Variants in ZNF396 observed in about 807,000 individuals in gnomAD.
ZNF396 encodes zinc finger protein 396, also known as zinc finger and SCAN domain-containing protein 14.
A neutral mutation model predicts 20.5 loss-of-function variants in ZNF396; 14 were observed. The ratio of observed to expected loss-of-function variants is 0.68; its 90% CI spans 0.45 to 1.07. ZNF396 has a LOEUF of 1.07. ZNF396 is among the 50% of genes least tolerant of loss of function. The probability of loss-of-function intolerance (pLI) is 0.00; values close to 1 mark genes in which losing one functional copy is unlikely to be tolerated. For synonymous variants in ZNF396, 119 were observed against 140.6 expected (o/e 0.85, Z 1.08); for missense variants, 347 against 390.1 (o/e 0.89, Z 0.93).
chr18:35,368,982 A>T lies in ZNF396; in HGVS notation c.*233T>A. 7.7e-7 allele frequency: 1 copy of T among 1,303,928 alleles called. No individual in the cohort carries two copies. The highest frequency in any genetic ancestry group is 3.0e-5 in the East Asian group (1 of 33,830). The allele number at this position is 1,303,928 out of a possible 1,614,324, so 80.8% of individuals were successfully genotyped here. On this transcript the variant is annotated 3_prime_UTR_variant, in exon 4 of 4. Transcript: ENST00000589332. ...TTTCAAGGCCTGCATAGGGATGGAA[A>T]TCTGAATTAAGCTTTGGAATTGCAA...
chr18:35,375,834 C>T (rs1204862913), intron 1 of ZNF396, among the ~76,000 whole-genome samples: 1 of 152,122 alleles, frequency 6.6e-6, no homozygotes, highest in Admixed American at 6.5e-5. Flanking sequence ...CCTCTGCCTT[C>T]TGGGTTCAAG....
chr18:35,369,064 T>C lies in ZNF396; in HGVS notation c.*151A>G, dbSNP rs1226055785. On this transcript the variant is annotated 3_prime_UTR_variant, in exon 4 of 4. Transcript: ENST00000589332. ...AAAAGCAAATAATGCTGACCTGAGATCTTCAACCTTCTCTCCTGTGGCTTT... is the reference window on the plus strand; with the variant it reads ...AAAAGCAAATAATGCTGACCTGAGACCTTCAACCTTCTCTCCTGTGGCTTT... 7.1e-7 allele frequency: 1 copy of C among 1,401,856 alleles called. No individual in the cohort carries two copies. 86.8% of individuals were successfully genotyped at this position (1,401,856 alleles called of 1,614,324 possible).
At position 35,368,171 on chromosome 18, in the gene ZNF396, G is replaced by T; in HGVS notation, c.*1044C>A. On this transcript the variant is annotated 3_prime_UTR_variant, in exon 4 of 4. Coordinates refer to ENST00000589332, the MANE Select transcript of ZNF396 (RefSeq NM_001322286.2). ...ACAGAAGCACCCATAGATTAATATTGTTATGAAAACATTCCTTATGTTTAG... is the reference window on the plus strand; with the variant it reads ...ACAGAAGCACCCATAGATTAATATTTTTATGAAAACATTCCTTATGTTTAG... 1 of 333,074 alleles carries T rather than the reference G, an allele frequency of 3.0e-6. No individual in the cohort carries two copies. Among genetic ancestry groups the T allele is most frequent in the East Asian group, 4.6e-5 (1 of 21,736 alleles). 20.6% of individuals were successfully genotyped at this position (333,074 alleles called of 1,614,324 possible). A position where few individuals can be genotyped will look rare whatever the true frequency, so the allele number is the denominator to read the frequency against.
intron 3 of ZNF396, among the ~76,000 whole-genome samples, chr18:35,370,151 TAA>T (rs1281960595): frequency 1.3e-5 from 2 of 152,064 alleles, no homozygotes; most frequent in African/African-American, 2.4e-5. Context: ...TAAGAAAATA[TAA>T]GTTAGGCCAA....
In ZNF396 at chr18:35,369,432, G is replaced by C. The variant is rs905416291; in HGVS notation, c.791C>G (p.Ser264Ter). The C allele has an allele frequency of 6.2e-7, 1 of 1,614,168 alleles. No individual in the cohort carries two copies. Among genetic ancestry groups the C allele is most frequent in the Non-Finnish European group, 8.5e-7 (1 of 1,180,034 alleles). The change falls in exon 4 of 4, where the codon TCA becomes TGA. Residue 264 changes from serine to a stop codon, truncating the protein, a stop_gained. Transcript: ENST00000589332. LOFTEE classifies it low-confidence loss of function (END_TRUNC). ...DECGKIFSQSSALILHQRIHS... is the reference protein window; with the variant it reads ...DECGKIFSQS Reference sequence around the variant, plus strand: ...GATTCTCTGATGTAAAATAAGGGCTGAGCTCTGACTAAAGATTTTGCCACA... The same window carrying C: ...GATTCTCTGATGTAAAATAAGGGCTCAGCTCTGACTAAAGATTTTGCCACA...
Position 35,373,511 on chromosome 18 carries a change from G to A in ZNF396, c.507C>T (p.Pro169=), listed in dbSNP as rs141404505. 1.7e-5 allele frequency: 27 copies of A among 1,613,940 alleles called. No individual in the cohort carries two copies. Among genetic ancestry groups the A allele is most frequent in the Non-Finnish European group, 1.9e-5 (23 of 1,179,994 alleles). The part of the protein sequence containing the change: ...TEELPSSQLM[P]VKKQLQGASW... ...ATGCTCCCTGGAGCTGCTTCTTCACGGGCATGAGCTGGCTACTTGGCAATT... is the reference window on the plus strand; with the variant it reads ...ATGCTCCCTGGAGCTGCTTCTTCACAGGCATGAGCTGGCTACTTGGCAATT... The change falls in exon 3 of 4, where the codon CCC becomes CCT. Residue 169 remains proline, a synonymous_variant. Transcript: ENST00000589332.
At chr18:35,376,919 C>A (rs1438229959) in intron 1 of ZNF396, among the ~76,000 whole-genome samples, 1 of 152,058 alleles carries the variant, frequency 6.6e-6, no homozygotes, top group African/African-American at 2.4e-5. Context: ...TGTGGTGGGC[C>A]GGCTCTGGGA....
intron 1 of ZNF396, chr18:35,376,201 G>A (rs541637519): frequency 6.6e-6 from 1 of 152,168 alleles, no homozygotes; most frequent in Admixed American, 6.5e-5. Flanking sequence ...ATTGTTCTAG[G>A]CCCTGTATAA....
rs576894308 is a variant in ZNF396 at position 35,373,168 on chromosome 18, A to G, written c.562+288T>C. ...CTGTGTACCTTGGGGTCCCACAGAAAGGCCTCAAGGGCTGCCTGAAGATAA... is the reference window on the plus strand; with the variant it reads ...CTGTGTACCTTGGGGTCCCACAGAAGGGCCTCAAGGGCTGCCTGAAGATAA... On this transcript the variant is annotated intron_variant, in intron 3 of 3. Coordinates refer to ENST00000589332, the MANE Select transcript of ZNF396 (RefSeq NM_001322286.2). 706 of 393,604 alleles carry G rather than the reference A, an allele frequency of 1.8e-3. 3 individuals carry two copies. Among genetic ancestry groups the G allele is most frequent in the Non-Finnish European group, 2.6e-3 (587 of 222,788 alleles). The allele number at this position is 393,604 out of a possible 1,614,324, so 24.4% of individuals were successfully genotyped here.
chr18:35,376,329 T>C (rs2045257112), intron 1 of ZNF396: 1 of 152,210 alleles, frequency 6.6e-6, no homozygotes, highest in Non-Finnish European at 1.5e-5. Flanking sequence ...TGCCAAGCAC[T>C]GTTTTGAACA....
rs2045105263 is a variant in ZNF396 at position 35,366,858 on chromosome 18, G to GAC, written c.*2355_*2356dup. The GAC allele has an allele frequency of 6.6e-6, 1 of 152,082 alleles. No homozygotes were observed. The allele number at this position is 152,082 out of a possible 1,614,324, so 9.4% of individuals were successfully genotyped here. ...TGCAAAATAATTCAAAGTACACAGA[G>GAC]ACACCCTTTAAAGATTCATCATATA... On this transcript the variant is annotated 3_prime_UTR_variant, in exon 4 of 4. Transcript: ENST00000589332.
At position 35,373,571 on chromosome 18, in the gene ZNF396, A is replaced by G; in HGVS notation, c.447T>C (p.Ile149=). ...QIFFGRRKDM[I]AEKLAPSEIT... ...TTTCTGAAGGTGCTAGCTTCTCTGCAATCATGTCCTTCCTTCGTCCAAAAA... is the reference window on the plus strand; with the variant it reads ...TTTCTGAAGGTGCTAGCTTCTCTGCGATCATGTCCTTCCTTCGTCCAAAAA... The change falls in exon 3 of 4, where the codon ATT becomes ATC. Residue 149 remains isoleucine, a synonymous_variant. Transcript: ENST00000589332. 1 of 1,614,176 alleles carries G rather than the reference A, an allele frequency of 6.2e-7. No homozygotes were observed. Among genetic ancestry groups the G allele is most frequent in the African/African-American group, 1.3e-5 (1 of 75,050 alleles).
intron 1 of ZNF396, among the ~76,000 whole-genome samples, chr18:35,376,851 C>A (rs1312130998): frequency 5.9e-5 from 9 of 152,132 alleles, no homozygotes; most frequent in Admixed American, 4.6e-4. Flanking sequence ...AGGCTTCGAT[C>A]AAAGCCTGGG....
chr18:35,369,609 G>A lies in ZNF396; in HGVS notation c.614C>T (p.Ser205Phe). Reference sequence around the variant, plus strand: ...ATTGCAATGCAGTTCTATGCCTAAAGAAGTCTTTTGCCTTGAAGCAGATTT... The same window carrying A: ...ATTGCAATGCAGTTCTATGCCTAAAAAAGTCTTTTGCCTTGAAGCAGATTT... The part of the protein sequence containing the change: ...NVKSASRQKT[S>F]LGIELHCNVS... Residue 205 changes from serine (S) to phenylalanine (F), a missense_variant, in exon 4 of 4, where the codon TCT becomes TTT. Ser to Phe is a radical substitution (Grantham distance 155, BLOSUM62 -2). Coordinates refer to ENST00000589332, the MANE Select transcript of ZNF396 (RefSeq NM_001322286.2). The A allele has an allele frequency of 6.2e-7, 1 of 1,611,048 alleles. No individual in the cohort carries two copies. The highest frequency in any genetic ancestry group is 8.5e-7 in the Non-Finnish European group (1 of 1,179,222).
Position 35,374,188 on chromosome 18 carries a change from A to G in ZNF396, c.105T>C (p.Asp35=). The G allele has an allele frequency of 1.2e-6, 2 of 1,614,202 alleles. No homozygotes were observed. Among genetic ancestry groups the G allele is most frequent in the Non-Finnish European group, 8.5e-7 (1 of 1,180,036 alleles). ...TGCTCCAGTGGAGGCTAGAGTCTGG[A>G]TCACAGGTCTGCTCTTCCTCTTCCA... ...EKMEEEEQTC[D]PDSSLHWSSS... Residue 35 remains aspartate (D), a synonymous_variant, in exon 2 of 4, where the codon GAT becomes GAC. Coordinates refer to ENST00000589332, the MANE Select transcript of ZNF396 (RefSeq NM_001322286.2). The surrounding 1 kb of genome is among the most constrained non-coding windows in gnomAD (Gnocchi z 4.3).
chr18:35,374,125 C>T lies in ZNF396; in HGVS notation c.168G>A (p.Arg56=), dbSNP rs369506838. The change falls in exon 2 of 4, where the codon AGG becomes AGA. Residue 56 remains arginine (R), a synonymous_variant. Coordinates refer to ENST00000589332, the MANE Select transcript of ZNF396 (RefSeq NM_001322286.2). The surrounding 1 kb of genome is among the most constrained non-coding windows in gnomAD (Gnocchi z 4.3). The part of the protein sequence containing the change: ...YSPETFRQQF[R]QFGYQDSPGP... The stretch of plus-strand genomic sequence containing the variant: ...CAGGTGAATCCTGGTAGCCAAACTG[C>T]CTGAATTGCTGGCGGAAGGTCTCTG... 49 of 1,614,120 alleles carry T rather than the reference C, an allele frequency of 3.0e-5. No homozygotes were observed. The highest frequency in any genetic ancestry group is 3.4e-5 in the Non-Finnish European group (40 of 1,180,052).
At position 35,368,089 on chromosome 18, in the gene ZNF396, G is replaced by A. The variant is rs531376996; in HGVS notation, c.*1126C>T. The A allele has an allele frequency of 9.2e-6, 2 of 216,258 alleles. No homozygotes were observed. The highest frequency in any genetic ancestry group is 4.6e-5 in the African/African-American group (2 of 43,716). 13.4% of individuals were successfully genotyped at this position (216,258 alleles called of 1,614,324 possible). A position where few individuals can be genotyped will look rare whatever the true frequency, so the allele number is the denominator to read the frequency against. On this transcript the variant is annotated 3_prime_UTR_variant, in exon 4 of 4. Coordinates refer to ENST00000589332, the MANE Select transcript of ZNF396 (RefSeq NM_001322286.2). ...ACAACACTTGTGGTACATCAGTCTT[G>A]TTTGACAATTTTGTTCATCTCCCTT...
rs748786842 is a variant in ZNF396, at chr18:35,368,442, G to T, written c.*773C>A. 45 of 1,387,496 alleles carry T rather than the reference G, an allele frequency of 3.2e-5. 1 individual carries two copies. In the South Asian group the frequency reaches 9.5e-4, roughly 29 times the overall value. The allele number at this position is 1,387,496 out of a possible 1,614,324, so 85.9% of individuals were successfully genotyped here. ...CTCTGCAATCGCATGTTCATATTTT[G>T]AATCTAGTAACAGAAGACAAAATAG... On this transcript the variant is annotated 3_prime_UTR_variant, in exon 4 of 4. Transcript: ENST00000589332.
rs1460147278 is a variant in ZNF396, at chr18:35,367,443, CAAAG to C, written c.*1768_*1771del. 2 of 152,158 alleles carry C rather than the reference CAAAG, an allele frequency of 1.3e-5. No homozygotes were observed. Among genetic ancestry groups the C allele is most frequent in the Non-Finnish European group, 2.9e-5 (2 of 68,014 alleles). 9.4% of individuals were successfully genotyped at this position (152,158 alleles called of 1,614,324 possible). A position where few individuals can be genotyped will look rare whatever the true frequency, so the allele number is the denominator to read the frequency against. On this transcript the variant is annotated 3_prime_UTR_variant, in exon 4 of 4. Transcript: ENST00000589332. ...ATACTTTATGAGGAACCCAACCAGA[CAAAG>C]AAGTTTACTATGAGTCTCTTCCCTT...
Sources: gnomAD v4.1 joint callset for allele counts (sites outside exome capture counted in the v4.1 genomes callset) on GRCh38, gnomAD v4.1.1 for gene constraint, Gnocchi (gnomAD v3.1) non-coding constraint, MANE v1.5 for transcripts, NCBI Gene and HGNC (gene_info 2026-07-23, HGNC 2026-07-21) for gene names.